The following CYP7B1 variants were observed in gnomAD, a reference collection of about 807,000 sequenced individuals.
CYP7B1 encodes the protein cytochrome P450 family 7 subfamily B member 1, also known as cytochrome P450 7B1.
A neutral mutation model predicts 42.7 loss-of-function variants in CYP7B1; 29 were observed. That is an observed-to-expected ratio of 0.68 (90% confidence interval 0.51 to 0.93). CYP7B1 has a LOEUF of 0.93. Among genes scored for constraint, CYP7B1 ranks in the 40% least tolerant of loss-of-function variants. CYP7B1 has a pLI of 0.00. For synonymous variants in CYP7B1, 235 were observed against 218.2 expected, an observed-to-expected ratio of 1.08 and a Z score of -0.68; for missense variants, 655 against 600.5, an observed-to-expected ratio of 1.09 and a Z score of -0.95.
chr8:64,634,821 G>C (rs1805746999), intron 1 of CYP7B1, among the ~76,000 whole-genome samples: 1 of 152,090 alleles, frequency 6.6e-6, no homozygotes, highest in Admixed American at 6.6e-5. Context: ...ATGAAGAGTA[G>C]ACACTGAGGT....
intron 1 of CYP7B1, among the ~76,000 whole-genome samples, chr8:64,694,006 C>T (rs553787894): frequency 5.3e-5 from 8 of 152,246 alleles, no homozygotes; most frequent in South Asian, 2.1e-4. Flanking sequence ...GTCCTCAATA[C>T]GCGTTGAGGC....
intron 1 of CYP7B1, among the ~76,000 whole-genome samples, chr8:64,723,359 A>C (rs1237873328): frequency 6.6e-6 from 1 of 152,212 alleles, no homozygotes; most frequent in Non-Finnish European, 1.5e-5. Flanking sequence ...CTATCAATAA[A>C]TGCCAAAATA....
chr8:64,730,987 C>G (rs929749637), intron 1 of CYP7B1, among the ~76,000 whole-genome samples: 2 of 152,176 alleles, frequency 1.3e-5, no homozygotes, highest in African/African-American at 2.4e-5. Context: ...TCACTCTGCA[C>G]TTCTCCTTCC....
intron 1 of CYP7B1, among the ~76,000 whole-genome samples, chr8:64,699,657 C>A (rs1806882946): frequency 6.6e-6 from 1 of 151,988 alleles, no homozygotes; most frequent in Admixed American, 6.6e-5. Flanking sequence ...CAGTTTTGTT[C>A]CATTTTTTGC....
At chr8:64,764,976 GA>G (rs569191280) in intron 1 of CYP7B1, among the ~76,000 whole-genome samples, 12,497 of 128,720 alleles carry the variant, frequency 0.097, 709 homozygotes, top group South Asian at 0.18. Context: ...GGTGATTGAG[GA>G]AAAAAAAAAA....
intron 1 of CYP7B1, among the ~76,000 whole-genome samples, chr8:64,738,362 GA>G (rs886609510): frequency 6.6e-6 from 1 of 151,010 alleles, no homozygotes; most frequent in African/African-American, 2.4e-5. Flanking sequence ...TATTAAGAAA[GA>G]AAAAAAAATC....
chr8:64,795,874 A>G (rs1317926379), intron 1 of CYP7B1, among the ~76,000 whole-genome samples: 4 of 152,250 alleles, frequency 2.6e-5, no homozygotes, highest in African/African-American at 9.6e-5. Context: ...AATTTCACAA[A>G]AGGAAATCAA....
chr8:64,754,724 GA>G (rs1807782091), intron 1 of CYP7B1, among the ~76,000 whole-genome samples: 1 of 152,164 alleles, frequency 6.6e-6, no homozygotes. Flanking sequence ...ACAGTAGTCT[GA>G]ACTTTGCCAT....
chr8:64,727,877 C>T (rs1324105497), intron 1 of CYP7B1: 2 of 152,182 alleles, frequency 1.3e-5, no homozygotes, highest in Non-Finnish European at 2.9e-5. Flanking sequence ...TTTTAAGAAG[C>T]ATGGTTAATT....
chr8:64,681,820 T>G (rs192337185), intron 1 of CYP7B1, among the ~76,000 whole-genome samples: 1 of 152,184 alleles, frequency 6.6e-6, no homozygotes, highest in Non-Finnish European at 1.5e-5. Flanking sequence ...CTTTCCCAGA[T>G]TCTCGGACCT....
rs112147162 is a variant in CYP7B1, at chr8:64,643,120, C to CACATATATATACATATATACACAT, written c.123-18582_123-18581insATGTGTATATATGTATATATATGT. Among the ~76,000 whole-genome samples the CACATATATATACATATATACACAT allele has an allele frequency of 2.3e-3, 73 of 32,212 alleles. 1 individual carries two copies. The highest frequency in any genetic ancestry group is 7.5e-3 in the African/African-American group (71 of 9,406). 21.1% of individuals were successfully genotyped at this position (32,212 alleles called of 152,430 possible). Reference sequence around the variant, plus strand: ...ATACACATATATATACATATATATACATATATACATATATATACATATATA... The same window carrying CACATATATATACATATATACACAT: ...ATACACATATATATACATATATATACACATATATATACATATATACACATATATATACATATATATACATATATA... On this transcript the variant is annotated intron_variant, in intron 1 of 5. Transcript: ENST00000310193.
At chr8:64,687,233 C>G (rs943204991) in intron 1 of CYP7B1, among the ~76,000 whole-genome samples, 1 of 152,036 alleles carries the variant, frequency 6.6e-6, no homozygotes, top group East Asian at 1.9e-4. Flanking sequence ...TATATCTGCA[C>G]AATGGAATAT....
At chr8:64,782,798 G>T (rs915839805) in intron 1 of CYP7B1, among the ~76,000 whole-genome samples, 2 of 152,222 alleles carry the variant, frequency 1.3e-5, no homozygotes, top group African/African-American at 2.4e-5. Context: ...TCATTAAATG[G>T]TTATTTTGAA....
chr8:64,626,547 T>A (rs777828168), intron 1 of CYP7B1, among the ~76,000 whole-genome samples: 2 of 152,244 alleles, frequency 1.3e-5, no homozygotes, highest in Non-Finnish European at 2.9e-5. Flanking sequence ...AGACGATTTG[T>A]TAAATTTTAC....
At chr8:64,735,773 G>A (rs974645856) in intron 1 of CYP7B1, among the ~76,000 whole-genome samples, 2 of 152,150 alleles carry the variant, frequency 1.3e-5, no homozygotes, top group Non-Finnish European at 2.9e-5. Flanking sequence ...CCCATTTGCT[G>A]TGGAGCCTGC....
At chr8:64,654,772 T>C (rs545847737) in intron 1 of CYP7B1, among the ~76,000 whole-genome samples, 7 of 152,252 alleles carry the variant, frequency 4.6e-5, no homozygotes, top group Admixed American at 2.6e-4. Context: ...CTTCAAACTA[T>C]GCTACAGGGC....
At chr8:64,643,138 C>CACATATATATACAT (rs370410531) in intron 1 of CYP7B1, among the ~76,000 whole-genome samples, 12 of 95,684 alleles carry the variant, frequency 1.3e-4, no homozygotes, top group Admixed American at 4.9e-4. Context: ...CATATATATA[C>CACATATATATACAT]ATATATACAT....
chr8:64,710,588 ATTCTGCTAACATCTCAG>A (rs1275615150), intron 1 of CYP7B1, among the ~76,000 whole-genome samples: 1 of 152,086 alleles, frequency 6.6e-6, no homozygotes, highest in South Asian at 2.1e-4. Flanking sequence ...TTTTCTCTGA[ATTCTGCTAACATCTCAG>A]TTAGGATACT....
chr8:64,734,671 A>G (rs1180072977), intron 1 of CYP7B1, among the ~76,000 whole-genome samples: 1 of 152,246 alleles, frequency 6.6e-6, no homozygotes, highest in Non-Finnish European at 1.5e-5. Context: ...CCTAGTATCT[A>G]AAACCTACTA....
Sources: allele counts gnomAD v4.1 joint callset (sites outside exome capture counted in the v4.1 genomes callset), GRCh38; gene constraint gnomAD v4.1.1; transcripts MANE v1.5; gene names NCBI Gene and HGNC (gene_info 2026-07-23, HGNC 2026-07-21).